LINGO2: variants seen among roughly 807,000 people sequenced by gnomAD.
LINGO2 encodes the protein leucine-rich repeat and immunoglobulin-like domain-containing nogo receptor-interacting protein 2.
A neutral mutation model predicts 30.6 loss-of-function variants in LINGO2; 14 were observed. The observed-to-expected ratio is 0.46, with a 90% CI of 0.30 to 0.72. The LOEUF is 0.72. Ranked by LOEUF, LINGO2 falls within the 30% of genes least tolerant of loss-of-function variation. The pLI is 0.07. For synonymous variants in LINGO2, 317 were observed against 288.5 expected, an observed-to-expected ratio of 1.10 and a Z score of -1.00; for missense variants, 729 against 751.7, an observed-to-expected ratio of 0.97 and a Z score of 0.35.
the LINGO2 span, among the ~76,000 whole-genome samples, chr9:29,174,482 C>A: frequency 2.0e-5 from 3 of 152,194 alleles, no homozygotes; most frequent in East Asian, 1.9e-4. Flanking sequence ...TTTCATGCTA[C>A]GTCCTAGGAC....
rs574016730 is a variant in LINGO2, at chr9:28,557,711, G to A, written c.-364-81686C>T. Among the ~76,000 whole-genome samples, 25 of 151,054 alleles carry A rather than the reference G, an allele frequency of 1.7e-4. No homozygotes were observed. The South Asian group carries it at 3.1e-3, about 19-fold the overall frequency. On this transcript the variant is annotated intron_variant, in intron 1 of 5. Coordinates refer to ENST00000379992, the Ensembl canonical transcript of LINGO2. ...ACACATGCACATGTATGTTTATTGC[G>A]GCATTATTCACAATAGCAAAGACTT...
chr9:28,785,795 G>C, the LINGO2 span, among the ~76,000 whole-genome samples: 1 of 152,068 alleles, frequency 6.6e-6, no homozygotes, highest in Admixed American at 6.5e-5. Context: ...GCTGATGAAG[G>C]CTTATCATCT....
rs1484592620 is a variant in LINGO2 at position 28,478,685 on chromosome 9, C to T, written c.-364-2660G>A. 2.6e-5 allele frequency among the ~76,000 whole-genome samples: 4 copies of T among 152,052 alleles called. No homozygotes were observed. In the South Asian group the frequency reaches 6.2e-4, roughly 24 times the overall value. On this transcript the variant is annotated intron_variant, in intron 1 of 5. Coordinates refer to ENST00000379992, the Ensembl canonical transcript of LINGO2. The stretch of plus-strand genomic sequence containing the variant: ...GTACATTTTCCTCTTCAGACAAATG[C>T]CATTCCTGTGAGATCAACAATACAT...
At chr9:28,700,935 A>ATTT in the LINGO2 span, among the ~76,000 whole-genome samples, 1 of 151,824 alleles carries the variant, frequency 6.6e-6, no homozygotes, top group African/African-American at 2.4e-5. Flanking sequence ...TTCTTGTAAT[A>ATTT]TTTGTCTTCT....
intron 4 of LINGO2, among the ~76,000 whole-genome samples, chr9:28,043,650 C>T (rs901617110): frequency 2.6e-5 from 4 of 152,110 alleles, no homozygotes; most frequent in African/African-American, 9.7e-5. Flanking sequence ...CCCTCATGTA[C>T]CCATCACCCA....
At chr9:28,498,877 T>G (rs1175794031) in intron 1 of LINGO2, among the ~76,000 whole-genome samples, 1 of 152,028 alleles carries the variant, frequency 6.6e-6, no homozygotes, top group Non-Finnish European at 1.5e-5. Flanking sequence ...AATATAAGAC[T>G]ATATAATAAA....
chr9:28,827,600 G>A, the LINGO2 span, among the ~76,000 whole-genome samples: 26 of 152,160 alleles, frequency 1.7e-4, no homozygotes, highest in African/African-American at 6.3e-4. Context: ...ATACATATTT[G>A]TTGAATGATT....
the LINGO2 span, among the ~76,000 whole-genome samples, chr9:29,126,005 C>A: frequency 2.1e-4 from 32 of 152,130 alleles, no homozygotes; most frequent in South Asian, 5.6e-3. Context: ...ATGGTAAAAA[C>A]CAAATATAAC....
At chr9:28,338,539 T>C (rs1007279425) in intron 3 of LINGO2, among the ~76,000 whole-genome samples, 16 of 152,084 alleles carry the variant, frequency 1.1e-4, no homozygotes, top group African/African-American at 3.9e-4. Flanking sequence ...TGATGTGGTC[T>C]GGCTGTGTCT....
the LINGO2 span, among the ~76,000 whole-genome samples, chr9:29,023,212 A>G: frequency 6.6e-6 from 1 of 152,114 alleles, no homozygotes. Flanking sequence ...AAATCTGAAA[A>G]TGGGTTAGAT....
chr9:28,381,570 G>A (rs551278857), intron 2 of LINGO2, among the ~76,000 whole-genome samples: 2 of 152,010 alleles, frequency 1.3e-5, no homozygotes, highest in East Asian at 1.9e-4. Flanking sequence ...AACCATATTT[G>A]TGTCTGAATC....
intron 1 of LINGO2, among the ~76,000 whole-genome samples, chr9:28,533,614 G>T (rs1821319030): frequency 6.6e-6 from 1 of 152,166 alleles, no homozygotes; most frequent in Non-Finnish European, 1.5e-5. Context: ...TATGTTATCT[G>T]TCAGTGCTGA....
At chr9:28,786,919 C>CA in the LINGO2 span, among the ~76,000 whole-genome samples, 2 of 152,138 alleles carry the variant, frequency 1.3e-5, no homozygotes, top group Non-Finnish European at 2.9e-5. Flanking sequence ...TTACTCAGGG[C>CA]ATTTTTTATT....
chr9:28,843,047 A>G, the LINGO2 span, among the ~76,000 whole-genome samples: 1 of 151,864 alleles, frequency 6.6e-6, no homozygotes, highest in Admixed American at 6.6e-5. Context: ...ATGAAACTGA[A>G]CTACGACAAC....
rs60891119 is a variant in LINGO2 at position 28,037,472 on chromosome 9, TAA to T, written c.-86-25069_-86-25068del. ...TCTTCAGCTAATCTTCTGTCTCCTT[TAA>T]AAAAAAAGTCTTCTGAGAGCTCCTC... On this transcript the variant is annotated intron_variant, in intron 4 of 5. Transcript: ENST00000379992. Among the ~76,000 whole-genome samples the T allele has an allele frequency of 2.0e-3, 302 of 151,684 alleles. 2 individuals carry two copies. Among genetic ancestry groups the T allele is most frequent in the Middle Eastern group, 0.014 (4 of 294 alleles).
chr9:27,947,082 C>T (rs1192456105), downstream of LINGO2, among the ~76,000 whole-genome samples: 1 of 152,148 alleles, frequency 6.6e-6, no homozygotes, highest in African/African-American at 2.4e-5. Context: ...TTATTAAAAA[C>T]ATGACCTATT....
At chr9:28,985,314 G>A in the LINGO2 span, among the ~76,000 whole-genome samples, 17 of 152,132 alleles carry the variant, frequency 1.1e-4, no homozygotes, top group African/African-American at 2.2e-4. Context: ...TGTCAATAGC[G>A]CTGCAGGGAA....
chr9:28,198,945 C>G (rs184858298), intron 4 of LINGO2, among the ~76,000 whole-genome samples: 1 of 152,290 alleles, frequency 6.6e-6, no homozygotes, highest in African/African-American at 2.4e-5. Context: ...ATGTGAAAGT[C>G]TGGCAATTCT....
At chr9:28,226,432 G>A (rs77924337) in intron 4 of LINGO2, among the ~76,000 whole-genome samples, 8,554 of 151,782 alleles carry the variant, frequency 0.056, 380 homozygotes, top group African/African-American at 0.11. Context: ...TACAATGCAC[G>A]TCTGCTATAT....
Sources: allele counts gnomAD v4.1 joint callset (sites outside exome capture counted in the v4.1 genomes callset), GRCh38; gene constraint gnomAD v4.1.1; transcripts MANE v1.5; gene names NCBI Gene and HGNC (gene_info 2026-07-23, HGNC 2026-07-21).